Variants in CDKAL1 observed in about 807,000 individuals in gnomAD.
CDKAL1 encodes CDKAL1 threonylcarbamoyladenosine tRNA methylthiotransferase.
CDKAL1 carries 32 observed loss-of-function variants against 68.2 expected under a neutral mutation model. The ratio of observed to expected loss-of-function variants is 0.47; its 90% confidence interval spans 0.35 to 0.63. CDKAL1 has a LOEUF of 0.63. CDKAL1 is among the 30% of genes least tolerant of loss of function. The pLI, the probability that CDKAL1 is intolerant of heterozygous loss-of-function variation, is 0.00. For synonymous variants in CDKAL1, 234 were observed against 244.3 expected, an observed-to-expected ratio of 0.96 and a Z score of 0.39; for missense variants, 606 against 696.7, an observed-to-expected ratio of 0.87 and a Z score of 1.47.
At position 20,631,410 on chromosome 6, in the gene CDKAL1, TC is replaced by T. The variant is rs574055118; in HGVS notation, c.287-17881del. 6.6e-5 allele frequency among the ~76,000 whole-genome samples: 10 copies of T among 152,292 alleles called. No homozygotes were observed. The South Asian group carries it at 1.0e-3, about 16-fold the overall frequency. ...GTTACACTCTTCTCCCCTGACCTGC[TC>T]CTCCCTAGAGCTTCCATTTATGTTA... On this transcript the variant is annotated intron_variant, in intron 4 of 15. Coordinates refer to ENST00000274695, the MANE Select transcript of CDKAL1 (RefSeq NM_017774.3).
intron 12 of CDKAL1, among the ~76,000 whole-genome samples, chr6:21,097,700 A>G (rs984422124): frequency 6.6e-6 from 1 of 152,202 alleles, no homozygotes; most frequent in Non-Finnish European, 1.5e-5. Flanking sequence ...TCTCTATGGA[A>G]CTTGTCATTG....
At chr6:21,152,664 C>T (rs370742131) in intron 13 of CDKAL1, among the ~76,000 whole-genome samples, 6 of 152,264 alleles carry the variant, frequency 3.9e-5, no homozygotes, top group African/African-American at 7.2e-5. Context: ...ATTTACTGCC[C>T]GTAATGATTA....
At chr6:20,932,360 A>G (rs1459618904) in intron 9 of CDKAL1, among the ~76,000 whole-genome samples, 2 of 152,162 alleles carry the variant, frequency 1.3e-5, no homozygotes, top group East Asian at 3.8e-4. Context: ...TGCTGGACCT[A>G]CCTAATTAGA....
In CDKAL1 at chr6:20,585,999, A is replaced by G. The variant is rs576813006; in HGVS notation, c.286+37294A>G. Among the ~76,000 whole-genome samples the G allele has an allele frequency of 1.2e-4, 18 of 152,288 alleles. No homozygotes were observed. In the South Asian group the frequency reaches 3.7e-3, roughly 32 times the overall value. ...GCTCCATGTTCTTCATATCTCAGTAAAAGGATTCTGAGTCTTTTCAGTTGC... is the reference window on the plus strand; with the variant it reads ...GCTCCATGTTCTTCATATCTCAGTAGAAGGATTCTGAGTCTTTTCAGTTGC... On this transcript the variant is annotated intron_variant, in intron 4 of 15. Coordinates refer to ENST00000274695, the MANE Select transcript of CDKAL1 (RefSeq NM_017774.3).
intron 10 of CDKAL1, among the ~76,000 whole-genome samples, chr6:20,981,357 A>G (rs1766133635): frequency 6.6e-6 from 1 of 152,178 alleles, no homozygotes; most frequent in Non-Finnish European, 1.5e-5. Context: ...AATTTTACTC[A>G]GAGTAGCTTC....
chr6:20,897,691 A>G (rs1761766381), intron 9 of CDKAL1, among the ~76,000 whole-genome samples: 1 of 152,180 alleles, frequency 6.6e-6, no homozygotes, highest in Admixed American at 6.5e-5. Flanking sequence ...ATGTGTAGAA[A>G]AAAGACTGAA....
chr6:21,063,082 T>G (rs913986810), intron 11 of CDKAL1, among the ~76,000 whole-genome samples: 3 of 152,014 alleles, frequency 2.0e-5, no homozygotes, highest in African/African-American at 7.2e-5. Flanking sequence ...ACCCAGCTAA[T>G]TTTTGTATTT....
At chr6:21,227,651 C>A (rs922578448) in intron 15 of CDKAL1, among the ~76,000 whole-genome samples, 4 of 152,070 alleles carry the variant, frequency 2.6e-5, no homozygotes, top group Non-Finnish European at 5.9e-5. Context: ...AGGGTGCAGA[C>A]TTGTCCAGCA....
At chr6:21,016,437 C>G (rs1007419537) in intron 11 of CDKAL1, among the ~76,000 whole-genome samples, 4 of 152,162 alleles carry the variant, frequency 2.6e-5, no homozygotes, top group African/African-American at 9.7e-5. Context: ...CCTTGATCCT[C>G]TGTAATCTGG....
At chr6:21,105,375 G>A (rs1773793954) in intron 12 of CDKAL1, among the ~76,000 whole-genome samples, 1 of 152,092 alleles carries the variant, frequency 6.6e-6, no homozygotes, top group African/African-American at 2.4e-5. Flanking sequence ...CAGGAATTTT[G>A]GCTGATCTGT....
In CDKAL1 at chr6:21,176,332, C is replaced by A. The variant is rs542490455; in HGVS notation, c.1300-21689C>A. ...AATTTAAAATCATAGATTGTTTATG[C>A]GTGTTTAATGCTGATTAATTTGGTG... On this transcript the variant is annotated intron_variant, in intron 13 of 15. Transcript: ENST00000274695. Among the ~76,000 whole-genome samples the A allele has an allele frequency of 2.0e-5, 3 of 152,270 alleles. No homozygotes were observed. In the East Asian group the frequency reaches 5.8e-4, roughly 29 times the overall value.
At chr6:20,750,022 T>G (rs1008069291) in intron 6 of CDKAL1, among the ~76,000 whole-genome samples, 6 of 152,126 alleles carry the variant, frequency 3.9e-5, no homozygotes, top group Non-Finnish European at 1.5e-5. Context: ...TTTAATTTCT[T>G]CATAGTGTCT....
chr6:20,683,384 G>A (rs889843113), intron 5 of CDKAL1, among the ~76,000 whole-genome samples: 1 of 151,960 alleles, frequency 6.6e-6, no homozygotes, highest in Non-Finnish European at 1.5e-5. Context: ...TGTTAATATA[G>A]ATCCATTAGA....
At chr6:20,553,049 A>G (rs538559251) in intron 4 of CDKAL1, among the ~76,000 whole-genome samples, 2 of 152,340 alleles carry the variant, frequency 1.3e-5, no homozygotes, top group African/African-American at 4.8e-5. Context: ...TACCTTATGT[A>G]TAATGTATAG....
chr6:20,696,977 A>ATACT (rs1197479559), intron 5 of CDKAL1, among the ~76,000 whole-genome samples: 2 of 152,220 alleles, frequency 1.3e-5, no homozygotes, highest in African/African-American at 4.8e-5. Context: ...GCTTTACCAC[A>ATACT]TACTTCACTA....
chr6:21,157,598 T>A (rs569965822), intron 13 of CDKAL1, among the ~76,000 whole-genome samples: 80 of 152,324 alleles, frequency 5.3e-4, no homozygotes, highest in Non-Finnish European at 9.8e-4. Flanking sequence ...TAAGTGAAAA[T>A]CTTCACGAAT....
chr6:20,722,452 G>T, intron 5 of CDKAL1: 1 of 300,934 alleles, frequency 3.3e-6, no homozygotes, highest in Non-Finnish European at 6.3e-6. Flanking sequence ...CCTCATCACA[G>T]TCTTCTTTTT....
At chr6:20,648,528 T>A (rs1389992763) in intron 4 of CDKAL1, among the ~76,000 whole-genome samples, 1 of 152,104 alleles carries the variant, frequency 6.6e-6, no homozygotes, top group African/African-American at 2.4e-5. Flanking sequence ...AGGTGGAGAA[T>A]CTACACATAG....
chr6:20,988,816 A>ATTTTT (rs35010661), intron 10 of CDKAL1, among the ~76,000 whole-genome samples: 3 of 143,480 alleles, frequency 2.1e-5, no homozygotes, highest in Non-Finnish European at 3.0e-5. Context: ...CTCCCAGTTA[A>ATTTTT]TTTTTTTTCT....
Sources: allele counts gnomAD v4.1 joint callset (sites outside exome capture counted in the v4.1 genomes callset), GRCh38; gene constraint gnomAD v4.1.1; transcripts MANE v1.5; gene names NCBI Gene and HGNC (gene_info 2026-07-23, HGNC 2026-07-21).